Variants in ARHGAP32 observed in about 807,000 individuals in gnomAD.
ARHGAP32 encodes the protein rho GTPase-activating protein 32.
A neutral mutation model predicts 186.5 loss-of-function variants in ARHGAP32; 51 were observed. The ratio of observed to expected loss-of-function variants is 0.27; its 90% CI spans 0.22 to 0.35. The LOEUF (loss-of-function observed/expected upper bound fraction) is 0.35. Among genes scored for constraint, ARHGAP32 ranks in the 10% least tolerant of loss-of-function variants. ARHGAP32 has a pLI of 1.00. For missense variants in ARHGAP32, 2,186 were observed against 2,623.5 expected, an observed-to-expected ratio of 0.83 and a Z score of 3.64; for synonymous variants, 950 against 964.3, an observed-to-expected ratio of 0.99 and a Z score of 0.27.
chr11:129,104,225 A>T (rs1565424195), intron 5 of ARHGAP32, among the ~76,000 whole-genome samples: 2 of 152,140 alleles, frequency 1.3e-5, no homozygotes. Flanking sequence ...ATAAACTGAG[A>T]AGTAAGGTAG....
intron 2 of ARHGAP32, among the ~76,000 whole-genome samples, chr11:129,135,370 A>G (rs536228972): frequency 6.6e-6 from 1 of 152,326 alleles, no homozygotes; most frequent in Non-Finnish European, 1.5e-5. Flanking sequence ...AGCAGCCAAC[A>G]ATATGGTTAT....
chr11:128,968,687 A>T lies in ARHGAP32; in HGVS notation c.*220T>A. ...TCAGCACGGGGCTTTACCATCCTTC[A>T]GATCTTTTCTAAAGACAAAAATGAC... On this transcript the variant is annotated 3_prime_UTR_variant, in exon 23 of 23. Transcript: ENST00000682385. 1 of 390,484 alleles carries T rather than the reference A, an allele frequency of 2.6e-6. No homozygotes were observed. The highest frequency in any genetic ancestry group is 4.4e-6 in the Non-Finnish European group (1 of 227,500). 24.2% of individuals were successfully genotyped at this position (390,484 alleles called of 1,614,324 possible).
At position 129,029,718 on chromosome 11, in the gene ARHGAP32, C is replaced by T. The variant is rs1242924700; in HGVS notation, c.1045+11210G>A. 3.6e-5 allele frequency among the ~76,000 whole-genome samples: 5 copies of T among 139,866 alleles called. No individual in the cohort carries two copies. In the East Asian group the frequency reaches 6.8e-4, roughly 19 times the overall value. The allele number at this position is 139,866 out of a possible 152,430, so 91.8% of individuals were successfully genotyped here. On this transcript the variant is annotated intron_variant, in intron 11 of 22. Transcript: ENST00000682385. ...TCGGGAGGCTGAGGCAGGAGAATGG[C>T]GTGAACCCGGGAGGCGGAGCTTGCA...
chr11:129,171,481 A>T (rs1021509192), intron 1 of ARHGAP32, among the ~76,000 whole-genome samples: 13 of 152,166 alleles, frequency 8.5e-5, no homozygotes, highest in African/African-American at 3.1e-4. Context: ...AGAGGGTTGT[A>T]GATGTGTGGT....
At chr11:129,074,395 G>A in intron 6 of ARHGAP32, among the ~76,000 whole-genome samples, 1 of 152,054 alleles carries the variant, frequency 6.6e-6, no homozygotes, top group Non-Finnish European at 1.5e-5. Flanking sequence ...TTTATTACAA[G>A]GCACCTGCAC....
intron 2 of ARHGAP32, among the ~76,000 whole-genome samples, chr11:129,146,445 AT>A: frequency 6.6e-6 from 1 of 152,224 alleles, no homozygotes; most frequent in South Asian, 2.1e-4. Context: ...CTACACATAC[AT>A]TAGTATATAC....
At position 129,147,834 on chromosome 11, in the gene ARHGAP32, T is replaced by A. The variant is rs940311339; in HGVS notation, c.225+16485A>T. 3.3e-5 allele frequency among the ~76,000 whole-genome samples: 5 copies of A among 152,204 alleles called. No individual in the cohort carries two copies. The East Asian group carries it at 9.6e-4, about 29-fold the overall frequency. On this transcript the variant is annotated intron_variant, in intron 2 of 22. Transcript: ENST00000682385. ...TATATTTCTATGAGAGTCATGATTATATCCTCTTTTAAACTTTATCCTTCA... is the reference window on the plus strand; with the variant it reads ...TATATTTCTATGAGAGTCATGATTAAATCCTCTTTTAAACTTTATCCTTCA...
chr11:129,021,531 C>A (rs1003816048), intron 11 of ARHGAP32, among the ~76,000 whole-genome samples: 1 of 151,956 alleles, frequency 6.6e-6, no homozygotes, highest in Non-Finnish European at 1.5e-5. Context: ...ATCATAGTTC[C>A]CTTGGGAAAA....
In ARHGAP32 at chr11:129,139,584, T is replaced by C. The variant is rs562078404; in HGVS notation, c.226-14690A>G. On this transcript the variant is annotated intron_variant, in intron 2 of 22. Coordinates refer to ENST00000682385, the MANE Select transcript of ARHGAP32 (RefSeq NM_001378024.1). ...TTAATTGAATCATAGGGGGCGGGTC[T>C]TTCTTGTGCTGTTCTCGTTATAATG... Among the ~76,000 whole-genome samples, 3 of 152,294 alleles carry C rather than the reference T, an allele frequency of 2.0e-5. No homozygotes were observed. In the South Asian group the frequency reaches 6.2e-4, roughly 32 times the overall value.
intron 12 of ARHGAP32, among the ~76,000 whole-genome samples, chr11:128,990,987 TCAGAGCA>T (rs1377984823): frequency 6.6e-6 from 1 of 152,170 alleles, no homozygotes; most frequent in Non-Finnish European, 1.5e-5. Flanking sequence ...GAAAAACCCT[TCAGAGCA>T]CAGTATTTTA....
chr11:129,262,461 G>A (rs1023320156), intron 1 of ARHGAP32, among the ~76,000 whole-genome samples: 1 of 151,354 alleles, frequency 6.6e-6, no homozygotes, highest in African/African-American at 2.4e-5. Flanking sequence ...TTGGCTCACC[G>A]CAGCCTCCAC....
chr11:129,180,234 T>C (rs1249563612), intron 1 of ARHGAP32, among the ~76,000 whole-genome samples: 1 of 152,190 alleles, frequency 6.6e-6, no homozygotes, highest in Non-Finnish European at 1.5e-5. Context: ...TCATAAATGT[T>C]GTGCAACAGA....
chr11:129,276,356 A>C (rs1945531082), intron 1 of ARHGAP32, among the ~76,000 whole-genome samples: 1 of 152,232 alleles, frequency 6.6e-6, no homozygotes, highest in Admixed American at 6.5e-5. Flanking sequence ...GCTCAAGGGC[A>C]GTGGCACAAT....
chr11:128,972,630 G>A lies in ARHGAP32; in HGVS notation c.3876C>T (p.Ala1292=), dbSNP rs1945414421. ...TGGGTTGTTCAGCCACATCCCAGCT[G>A]GCTTCCTTGGTGCTCATTTGGGCTG... ...PATAQMSTKE[A]SWDVAEQPTT... The change falls in exon 22 of 23, where the codon GCC becomes GCT. Residue 1292 remains alanine (A), a synonymous_variant. Coordinates refer to ENST00000682385, the MANE Select transcript of ARHGAP32 (RefSeq NM_001378024.1). 6.2e-7 allele frequency: 1 copy of A among 1,612,214 alleles called. No homozygotes were observed. The highest frequency in any genetic ancestry group is 8.5e-7 in the Non-Finnish European group (1 of 1,178,712).
rs367737224 is a variant in ARHGAP32 at position 129,123,458 on chromosome 11, G to T, written c.432C>A (p.Phe144Leu). 1 of 1,612,200 alleles carries T rather than the reference G, an allele frequency of 6.2e-7. No homozygotes were observed. The highest frequency in any genetic ancestry group is 8.5e-7 in the Non-Finnish European group (1 of 1,178,812). The change falls in exon 5 of 23, where the codon TTC (phenylalanine) becomes TTA (leucine). Residue 144 changes from phenylalanine (F) to leucine (L), a missense_variant. This residue lies in a region of ARHGAP32 where 308 missense variants were observed against 596.5 expected (regional missense o/e 0.52). Transcript: ENST00000682385. This position sits in a 1 kb window ranked among gnomAD's most constrained non-coding sequence, Gnocchi z 4.6. ...TATTTCAGTATACCTGTATGCTGCC[G>T]AACTCAACATTCTCATAATGGAAAT... The part of the protein sequence containing the change: ...CAHFHYENVE[F>L]GSIQLSLSEE...
chr11:129,049,700 AT>A (rs1217506633), intron 10 of ARHGAP32, among the ~76,000 whole-genome samples: 2 of 152,266 alleles, frequency 1.3e-5, no homozygotes, highest in Admixed American at 1.3e-4. Flanking sequence ...ATGTTGCTGT[AT>A]TTATCAACTG....
intron 6 of ARHGAP32, among the ~76,000 whole-genome samples, chr11:129,079,129 G>C (rs1030761454): frequency 1.3e-5 from 2 of 152,142 alleles, no homozygotes; most frequent in African/African-American, 4.8e-5. Context: ...ATGACTAAAC[G>C]TAACAATAAT....
chr11:129,203,459 ATCTC>A (rs1944480410), intron 1 of ARHGAP32, among the ~76,000 whole-genome samples: 1 of 152,232 alleles, frequency 6.6e-6, no homozygotes, highest in Non-Finnish European at 1.5e-5. Flanking sequence ...TTAAAAAAGT[ATCTC>A]TATCTGAAAA....
At chr11:129,010,525 C>A (rs1938030377) in intron 11 of ARHGAP32, among the ~76,000 whole-genome samples, 1 of 152,158 alleles carries the variant, frequency 6.6e-6, no homozygotes, top group African/African-American at 2.4e-5. Context: ...AGCCAGTTCT[C>A]CCAATCCATT....
Sources: allele counts gnomAD v4.1 joint callset (sites outside exome capture counted in the v4.1 genomes callset), GRCh38; gene constraint gnomAD v4.1.1; regional missense constraint gnomAD v4.1.1; non-coding constraint Gnocchi (gnomAD v3.1); transcripts MANE v1.5; gene names NCBI Gene and HGNC (gene_info 2026-07-23, HGNC 2026-07-21).